RNGTT: variants seen among roughly 807,000 people sequenced by gnomAD.
RNGTT encodes the protein mRNA-capping enzyme.
A neutral mutation model predicts 79.3 loss-of-function variants in RNGTT; 33 were observed. The ratio of observed to expected loss-of-function variants is 0.42; its 90% CI spans 0.32 to 0.56. The LOEUF (loss-of-function observed/expected upper bound fraction) is 0.56. Among genes scored for constraint, RNGTT ranks in the 20% least tolerant of loss-of-function variants. The pLI is 0.17. For missense variants in RNGTT, 497 were observed against 739.1 expected (o/e 0.67, Z 3.80); for synonymous variants, 222 against 235.9 (o/e 0.94, Z 0.54).
intron 13 of RNGTT, among the ~76,000 whole-genome samples, chr6:88,748,197 G>A (rs1280673370): frequency 6.6e-6 from 1 of 152,108 alleles, no homozygotes; most frequent in African/African-American, 2.4e-5. Context: ...CAAATCGAAT[G>A]TCAGTTATCA....
At chr6:88,778,061 CT>C (rs1430803835) in intron 12 of RNGTT, among the ~76,000 whole-genome samples, 5 of 152,056 alleles carry the variant, frequency 3.3e-5, no homozygotes, top group Admixed American at 3.3e-4. Flanking sequence ...GTGGTTTTAG[CT>C]TTTATTCTGT....
At chr6:88,898,768 AAT>A (rs1446038352) in intron 6 of RNGTT, among the ~76,000 whole-genome samples, 1 of 151,114 alleles carries the variant, frequency 6.6e-6, no homozygotes, top group Admixed American at 6.6e-5. Flanking sequence ...TATGCAAAGA[AAT>A]AACCAAAAAG....
intron 8 of RNGTT, among the ~76,000 whole-genome samples, chr6:88,856,945 A>G (rs1255952846): frequency 4.6e-5 from 7 of 152,164 alleles, no homozygotes; most frequent in Non-Finnish European, 1.0e-4. Flanking sequence ...ATTCAGAATT[A>G]TCAATAGGTA....
At chr6:88,753,210 C>T (rs913006578) in intron 13 of RNGTT, among the ~76,000 whole-genome samples, 3 of 152,128 alleles carry the variant, frequency 2.0e-5, no homozygotes, top group African/African-American at 7.2e-5. Context: ...AATAAACTTA[C>T]TCCTTACCAA....
chr6:88,634,394 CATA>C (rs551084038), intron 14 of RNGTT, among the ~76,000 whole-genome samples: 210 of 152,136 alleles, frequency 1.4e-3, no homozygotes, highest in African/African-American at 4.9e-3. Flanking sequence ...GAAATATCTC[CATA>C]ATAATTTTCC....
chr6:88,780,051 C>T (rs996657314), intron 12 of RNGTT, among the ~76,000 whole-genome samples: 1 of 151,980 alleles, frequency 6.6e-6, no homozygotes, highest in African/African-American at 2.4e-5. Flanking sequence ...ACTGTAGCTC[C>T]CAGTTATTGA....
intron 4 of RNGTT, among the ~76,000 whole-genome samples, chr6:88,907,147 T>C (rs1783679222): frequency 6.6e-6 from 1 of 152,230 alleles, no homozygotes; most frequent in South Asian, 2.1e-4. Context: ...AAAATTTATT[T>C]TCTTAAACTC....
At chr6:88,848,607 T>C (rs1048136132) in intron 10 of RNGTT, among the ~76,000 whole-genome samples, 13 of 152,020 alleles carry the variant, frequency 8.6e-5, no homozygotes, top group Admixed American at 8.5e-4. Flanking sequence ...AGCAAAGGTA[T>C]AGTACAATAA....
chr6:88,858,072 TC>T (rs1176649218), intron 8 of RNGTT, among the ~76,000 whole-genome samples: 2 of 152,250 alleles, frequency 1.3e-5, no homozygotes, highest in Admixed American at 1.3e-4. Context: ...CAGATATTCC[TC>T]TTCTTCTGTC....
Position 88,679,102 on chromosome 6 carries a change from C to T in RNGTT, c.1440-683G>A, listed in dbSNP as rs1774992614. 3.3e-5 allele frequency among the ~76,000 whole-genome samples: 5 copies of T among 152,182 alleles called. No homozygotes were observed. The South Asian group carries it at 8.3e-4, about 25-fold the overall frequency. ...AAGGATGAAGACCTGTATGATGATG[C>T]ACCACCACTATGCACTGTACAGGAG... On this transcript the variant is annotated intron_variant, in intron 13 of 15. Transcript: ENST00000369485.
intron 14 of RNGTT, among the ~76,000 whole-genome samples, chr6:88,662,626 T>C (rs1159233603): frequency 1.3e-5 from 2 of 152,202 alleles, no homozygotes; most frequent in African/African-American, 4.8e-5. Flanking sequence ...GCGAGGTGAT[T>C]AGTGGACAGT....
chr6:88,659,210 A>G (rs1159225077), intron 14 of RNGTT, among the ~76,000 whole-genome samples: 1 of 152,164 alleles, frequency 6.6e-6, no homozygotes, highest in Non-Finnish European at 1.5e-5. Context: ...GGAACCAAAA[A>G]AGTGATTCTG....
intron 13 of RNGTT, among the ~76,000 whole-genome samples, chr6:88,731,027 C>G (rs903053996): frequency 6.6e-6 from 1 of 152,064 alleles, no homozygotes; most frequent in Non-Finnish European, 1.5e-5. Context: ...AACACTTCCC[C>G]TCCCCTCCCT....
chr6:88,906,825 T>C (rs1228272572), intron 4 of RNGTT, among the ~76,000 whole-genome samples: 2 of 152,066 alleles, frequency 1.3e-5, no homozygotes, highest in African/African-American at 4.8e-5. Flanking sequence ...TAAATTTCTC[T>C]AGTAGAAAAA....
At chr6:88,660,128 C>T (rs541090664) in intron 14 of RNGTT, among the ~76,000 whole-genome samples, 1 of 152,248 alleles carries the variant, frequency 6.6e-6, no homozygotes, top group Admixed American at 6.5e-5. Context: ...ACTAAGCCAG[C>T]ACTACAAGAA....
chr6:88,882,576 A>G (rs1235431899), intron 8 of RNGTT, among the ~76,000 whole-genome samples: 1 of 152,242 alleles, frequency 6.6e-6, no homozygotes. Context: ...CAAAAATTCA[A>G]CAAGTTAAAA....
At chr6:88,795,241 C>A (rs910472876) in intron 12 of RNGTT, among the ~76,000 whole-genome samples, 1 of 152,060 alleles carries the variant, frequency 6.6e-6, no homozygotes, top group Non-Finnish European at 1.5e-5. Flanking sequence ...AAAATACTAC[C>A]ATCAGACTAA....
At chr6:88,842,773 A>T (rs190692874) in intron 11 of RNGTT, among the ~76,000 whole-genome samples, 124 of 152,238 alleles carry the variant, frequency 8.1e-4, no homozygotes, top group African/African-American at 2.8e-3. Flanking sequence ...ATTTAACTAC[A>T]TAAAAATGAA....
chr6:88,805,821 A>G (rs775556383), intron 11 of RNGTT, among the ~76,000 whole-genome samples: 2 of 152,222 alleles, frequency 1.3e-5, no homozygotes, highest in Non-Finnish European at 2.9e-5. Context: ...ACTCTGTGGT[A>G]CAGGGGAGCA....
Sources: gnomAD v4.1 joint callset for allele counts (sites outside exome capture counted in the v4.1 genomes callset) on GRCh38, gnomAD v4.1.1 for gene constraint, MANE v1.5 for transcripts, NCBI Gene and HGNC (gene_info 2026-07-23, HGNC 2026-07-21) for gene names.